The following CSMD1 variants were observed in gnomAD, a reference collection of about 807,000 sequenced individuals.
The protein encoded by CSMD1 is CUB and sushi domain-containing protein 1.
In CSMD1, 213 loss-of-function variants were observed where a neutral mutation model predicts 417.5. That is an observed-to-expected ratio of 0.51 (90% CI 0.46 to 0.57). The LOEUF (loss-of-function observed/expected upper bound fraction) is 0.57, where lower values mean the gene tolerates loss of function less well. Ranked by LOEUF, CSMD1 falls within the 20% of genes least tolerant of loss-of-function variation. The probability of loss-of-function intolerance (pLI) is 0.00; values close to 1 mark genes in which losing one functional copy is unlikely to be tolerated. For missense variants in CSMD1, 6,923 were observed against 4,529.7 expected, an observed-to-expected ratio of 1.53 and a Z score of -15.17; for synonymous variants, 2,862 against 1,736.8, an observed-to-expected ratio of 1.65 and a Z score of -16.11.
At chr8:4,899,278 A>T (rs1414401670) in intron 1 of CSMD1, among the ~76,000 whole-genome samples, 1 of 152,232 alleles carries the variant, frequency 6.6e-6, no homozygotes, top group Non-Finnish European at 1.5e-5. Context: ...ATGCATTATA[A>T]GCAAAACATA....
intron 3 of CSMD1, among the ~76,000 whole-genome samples, chr8:4,148,337 G>T (rs150460687): frequency 7.4e-6 from 1 of 134,792 alleles, no homozygotes; most frequent in East Asian, 2.5e-4. Context: ...ATAGACAGAG[G>T]AAGGGAAACA....
intron 5 of CSMD1, among the ~76,000 whole-genome samples, chr8:3,922,243 C>G (rs1329816086): frequency 6.6e-6 from 1 of 151,960 alleles, no homozygotes; most frequent in Non-Finnish European, 1.5e-5. Context: ...TTTTCTATCT[C>G]TTTACTTTCA....
chr8:3,455,280 G>C (rs556024864), intron 12 of CSMD1, among the ~76,000 whole-genome samples: 159 of 152,144 alleles, frequency 1.0e-3, no homozygotes, highest in Non-Finnish European at 6.6e-4. Context: ...GCTCGGAGTA[G>C]TGTGATCATC....
chr8:3,537,561 T>G (rs1334699521), intron 10 of CSMD1, among the ~76,000 whole-genome samples: 1 of 152,238 alleles, frequency 6.6e-6, no homozygotes, highest in Non-Finnish European at 1.5e-5. Flanking sequence ...CATTAATATT[T>G]GCATGTTTGT....
intron 7 of CSMD1, among the ~76,000 whole-genome samples, chr8:3,628,364 C>T (rs1480747408): frequency 6.6e-6 from 1 of 152,176 alleles, no homozygotes; most frequent in Non-Finnish European, 1.5e-5. Flanking sequence ...CCTCACGCCC[C>T]TTCCTTGTTT....
chr8:2,992,403 C>T (rs891134020), intron 54 of CSMD1, among the ~76,000 whole-genome samples: 3 of 151,602 alleles, frequency 2.0e-5, no homozygotes, highest in Non-Finnish European at 4.4e-5. Flanking sequence ...TTAACTAGGT[C>T]GAGTTTTGAT....
intron 26 of CSMD1, among the ~76,000 whole-genome samples, chr8:3,235,558 C>G (rs759017518): frequency 6.6e-6 from 1 of 152,128 alleles, no homozygotes; most frequent in Admixed American, 6.5e-5. Context: ...CAGAGCTGTA[C>G]CACAGTAAAA....
At chr8:3,929,563 A>C (rs75077772) in intron 5 of CSMD1, among the ~76,000 whole-genome samples, 6,620 of 150,714 alleles carry the variant, frequency 0.044, 464 homozygotes, top group Non-Finnish European at 0.056. Context: ...ATTCTGATGG[A>C]ATGATTTCAT....
chr8:3,922,214 C>G (rs2129144557), intron 5 of CSMD1, among the ~76,000 whole-genome samples: 1 of 151,928 alleles, frequency 6.6e-6, no homozygotes, highest in South Asian at 2.1e-4. Flanking sequence ...TCTTTTTAAC[C>G]ACTTGCATAA....
intron 2 of CSMD1, among the ~76,000 whole-genome samples, chr8:4,442,580 T>TATA (rs1798546652): frequency 6.6e-6 from 1 of 152,194 alleles, no homozygotes; most frequent in African/African-American, 2.4e-5. Flanking sequence ...TTGTTTCACT[T>TATA]ATAGCTCTTC....
At chr8:3,204,357 C>CT (rs974177173) in intron 31 of CSMD1, among the ~76,000 whole-genome samples, 51 of 151,260 alleles carry the variant, frequency 3.4e-4, no homozygotes, top group African/African-American at 1.0e-3. Flanking sequence ...GAACAGAAGA[C>CT]TTTTTTGTGA....
At chr8:2,954,154 T>C in intron 65 of CSMD1, 70 bp downstream of exon 65, 1 of 749,702 alleles carries the variant, frequency 1.3e-6, no homozygotes, top group South Asian at 2.4e-5. Flanking sequence ...TTGAAAATAG[T>C]TTCACTGTGC....
chr8:3,696,262 A>C (rs1010453033), intron 7 of CSMD1, among the ~76,000 whole-genome samples: 4 of 152,204 alleles, frequency 2.6e-5, no homozygotes, highest in African/African-American at 9.6e-5. Context: ...CTCTTCCTGC[A>C]AGTATTCTAA....
intron 3 of CSMD1, among the ~76,000 whole-genome samples, chr8:4,281,733 A>G (rs1363535434): frequency 6.6e-6 from 1 of 152,238 alleles, no homozygotes; most frequent in African/African-American, 2.4e-5. Context: ...AACGGAATCA[A>G]TGTAATGTCT....
intron 3 of CSMD1, among the ~76,000 whole-genome samples, chr8:4,067,157 G>C (rs1390400349): frequency 2.0e-5 from 3 of 152,204 alleles, no homozygotes; most frequent in Non-Finnish European, 4.4e-5. Flanking sequence ...GGGAAAGCAA[G>C]GATGAAAGAT....
intron 4 of CSMD1, among the ~76,000 whole-genome samples, chr8:4,015,608 C>A (rs975753177): frequency 4.9e-5 from 7 of 141,756 alleles, no homozygotes; most frequent in African/African-American, 1.8e-4. Flanking sequence ...GACTATCATT[C>A]AGTCTCCAAG....
chr8:3,281,961 ACT>A (rs1802774475), intron 26 of CSMD1, among the ~76,000 whole-genome samples: 3 of 151,788 alleles, frequency 2.0e-5, no homozygotes, highest in South Asian at 2.1e-4. Flanking sequence ...CTTCCGCTTC[ACT>A]CTGTCTTTCC....
At chr8:3,890,718 T>C (rs1041657732) in intron 5 of CSMD1, among the ~76,000 whole-genome samples, 2 of 152,182 alleles carry the variant, frequency 1.3e-5, no homozygotes, top group South Asian at 2.1e-4. Context: ...AAGGAAGATA[T>C]TGGGAGCATG....
intron 3 of CSMD1, among the ~76,000 whole-genome samples, chr8:4,337,210 A>C (rs2128893586): frequency 6.6e-6 from 1 of 152,238 alleles, no homozygotes; most frequent in Admixed American, 6.6e-5. Context: ...GGAGACTTTC[A>C]ATCTTTACCC....
Sources: gnomAD v4.1 joint callset for allele counts (sites outside exome capture counted in the v4.1 genomes callset) on GRCh38, gnomAD v4.1.1 for gene constraint, MANE v1.5 for transcripts, NCBI Gene and HGNC (gene_info 2026-07-23, HGNC 2026-07-21) for gene names.